CNTN4: variants seen among roughly 807,000 people sequenced by gnomAD.
CNTN4 encodes the protein contactin 4.
In CNTN4, 77 loss-of-function variants were observed where a neutral mutation model predicts 122.5. The observed-to-expected ratio is 0.63, with a 90% CI of 0.52 to 0.76. The LOEUF (loss-of-function observed/expected upper bound fraction) is 0.76, where lower values mean the gene tolerates loss of function less well. Among genes scored for constraint, CNTN4 ranks in the 30% least tolerant of loss-of-function variants. The pLI is 0.00. For synonymous variants in CNTN4, 512 were observed against 447.0 expected (o/e 1.15, Z -1.83); for missense variants, 1,256 against 1,259.1 (o/e 1.00, Z 0.04).
At chr3:2,240,652 T>TA (rs1313439306) in intron 2 of CNTN4, among the ~76,000 whole-genome samples, 1 of 152,108 alleles carries the variant, frequency 6.6e-6, no homozygotes, top group African/African-American at 2.4e-5. Flanking sequence ...TATGGAAGCT[T>TA]AGTCATTGCA....
intron 4 of CNTN4, among the ~76,000 whole-genome samples, chr3:2,697,341 A>G (rs2086097119): frequency 1.3e-5 from 2 of 152,160 alleles, no homozygotes; most frequent in African/African-American, 2.4e-5. Context: ...TTGGAGAACT[A>G]TACCTGTCCT....
At chr3:2,477,604 A>G (rs1418861227) in intron 3 of CNTN4, among the ~76,000 whole-genome samples, 6 of 152,188 alleles carry the variant, frequency 3.9e-5, no homozygotes, top group African/African-American at 1.4e-4. Context: ...CTTAAGCTCT[A>G]TCTTCTACCC....
chr3:2,508,041 C>G (rs1024243164), intron 3 of CNTN4, among the ~76,000 whole-genome samples: 1 of 152,110 alleles, frequency 6.6e-6, no homozygotes, highest in South Asian at 2.1e-4. Context: ...GCTATTTTCT[C>G]CACAGACTGT....
chr3:2,447,886 A>T (rs1303413534), intron 3 of CNTN4, among the ~76,000 whole-genome samples: 3 of 152,112 alleles, frequency 2.0e-5, no homozygotes, highest in Non-Finnish European at 2.9e-5. Context: ...TATTATCCTA[A>T]TTTTAAGGAT....
At chr3:2,631,839 G>C (rs894889230) in intron 4 of CNTN4, among the ~76,000 whole-genome samples, 2 of 139,114 alleles carry the variant, frequency 1.4e-5, no homozygotes, top group African/African-American at 5.6e-5. Flanking sequence ...GACCAGCTTG[G>C]GCAACATAGG....
rs139541139 is a variant in CNTN4 at position 2,747,266 on chromosome 3, G to A, written c.358+1569G>A. Among the ~76,000 whole-genome samples the A allele has an allele frequency of 2.3e-4, 35 of 149,318 alleles. No homozygotes were observed. In the East Asian group the frequency reaches 4.9e-3, roughly 21 times the overall value. ...CTACTAAAAATACAAAAAATTAGCC[G>A]GGCGCAGTGGCAGGTGCCTGTAGTC... is the stretch of plus-strand genomic sequence containing the variant. On this transcript the variant is annotated intron_variant, in intron 6 of 24. Coordinates refer to ENST00000418658, the MANE Select transcript of CNTN4 (RefSeq NM_175607.3).
intron 3 of CNTN4, among the ~76,000 whole-genome samples, chr3:2,563,077 A>T (rs2079024781): frequency 1.3e-5 from 2 of 152,102 alleles, no homozygotes; most frequent in South Asian, 4.1e-4. Context: ...TTCTGGGTCA[A>T]ATGGTAGTTC....
chr3:2,121,737 A>C (rs1160332784), intron 2 of CNTN4, among the ~76,000 whole-genome samples: 1 of 152,176 alleles, frequency 6.6e-6, no homozygotes, highest in Non-Finnish European at 1.5e-5. Context: ...AATTATCCAT[A>C]TAATTTGAAA....
intron 2 of CNTN4, among the ~76,000 whole-genome samples, chr3:2,269,475 A>G (rs1421650019): frequency 6.6e-6 from 1 of 152,112 alleles, no homozygotes; most frequent in African/African-American, 2.4e-5. Context: ...CAGACTAAGA[A>G]TGACAGACAG....
At chr3:2,225,117 C>G (rs994966541) in intron 2 of CNTN4, among the ~76,000 whole-genome samples, 1 of 151,490 alleles carries the variant, frequency 6.6e-6, no homozygotes. Context: ...CACCACTGCA[C>G]TCCAGCCTGG....
chr3:2,745,617 A>G lies in CNTN4; in HGVS notation c.278A>G (p.Gln93Arg). The G allele has an allele frequency of 6.2e-7, 1 of 1,614,170 alleles. No individual in the cohort carries two copies. The highest frequency in any genetic ancestry group is 1.3e-5 in the African/African-American group (1 of 75,070). The change falls in exon 6 of 25, where the codon CAA becomes CGA. Residue 93 changes from glutamine to arginine, a missense_variant. Coordinates refer to ENST00000418658, the MANE Select transcript of CNTN4 (RefSeq NM_175607.3). ...SLLINNPNKT[Q>R]DAGTYQCTAT... is the part of the protein sequence containing the mutation. ...TTGATCAATAACCCCAATAAAACCCAAGATGCTGGAACGTACCAGTGCACA... is the reference window on the plus strand; with the variant it reads ...TTGATCAATAACCCCAATAAAACCCGAGATGCTGGAACGTACCAGTGCACA...
At chr3:2,632,394 T>A (rs532586350) in intron 4 of CNTN4, among the ~76,000 whole-genome samples, 2 of 152,296 alleles carry the variant, frequency 1.3e-5, no homozygotes, top group East Asian at 3.9e-4. Flanking sequence ...TGTTTTTCAG[T>A]TGAGCATTAG....
Position 2,494,356 on chromosome 3 carries a change from G to A in CNTN4, c.-88-77060G>A, listed in dbSNP as rs144586010. On this transcript the variant is annotated intron_variant, in intron 3 of 24. Transcript: ENST00000418658. ...GTGGTAGAACCTGAAGCATGTGGCAGGGGGCTTACAGGTAATGGGTAGATT... is the reference window on the plus strand; with the variant it reads ...GTGGTAGAACCTGAAGCATGTGGCAAGGGGCTTACAGGTAATGGGTAGATT... 2.5e-3 allele frequency among the ~76,000 whole-genome samples: 380 copies of A among 152,314 alleles called. 3 individuals are homozygous for A. The highest frequency in any genetic ancestry group is 8.7e-3 in the African/African-American group (362 of 41,560).
intron 3 of CNTN4, among the ~76,000 whole-genome samples, chr3:2,437,987 T>C (rs2048313472): frequency 6.6e-6 from 1 of 152,190 alleles, no homozygotes; most frequent in Admixed American, 6.5e-5. Context: ...AAATTGGTAC[T>C]GCATTATATT....
intron 4 of CNTN4, among the ~76,000 whole-genome samples, chr3:2,603,163 C>CA (rs2081119724): frequency 6.6e-6 from 1 of 151,744 alleles, no homozygotes; most frequent in South Asian, 2.1e-4. Flanking sequence ...TAGGATGGAA[C>CA]AAAGTTGCTG....
intron 6 of CNTN4, among the ~76,000 whole-genome samples, chr3:2,796,609 CT>C (rs1231062596): frequency 6.6e-6 from 1 of 152,142 alleles, no homozygotes; most frequent in East Asian, 1.9e-4. Flanking sequence ...CTAATTTAGG[CT>C]AGTACCACTG....
chr3:2,975,444 C>G (rs749551014), intron 13 of CNTN4, among the ~76,000 whole-genome samples: 2 of 152,134 alleles, frequency 1.3e-5, no homozygotes, highest in African/African-American at 4.8e-5. Flanking sequence ...TTTTTCTTAA[C>G]TGAAAAATCA....
At chr3:2,410,695 T>A (rs1052742889) in intron 3 of CNTN4, among the ~76,000 whole-genome samples, 1 of 152,202 alleles carries the variant, frequency 6.6e-6, no homozygotes, top group Non-Finnish European at 1.5e-5. Flanking sequence ...CAATTTCAGA[T>A]ATATTTTCAA....
chr3:2,759,692 G>A (rs2090498803), intron 6 of CNTN4, among the ~76,000 whole-genome samples: 1 of 148,786 alleles, frequency 6.7e-6, no homozygotes, highest in African/African-American at 2.5e-5. Flanking sequence ...CAGTAACTGG[G>A]CAACAGAGGA....
Sources: gnomAD v4.1 joint callset for allele counts (sites outside exome capture counted in the v4.1 genomes callset) on GRCh38, gnomAD v4.1.1 for gene constraint, MANE v1.5 for transcripts, NCBI Gene and HGNC (gene_info 2026-07-23, HGNC 2026-07-21) for gene names.